Variants in EDIL3 observed in about 807,000 individuals in gnomAD.
EDIL3 encodes EGF like and discoidin domains 3.
In EDIL3, 37 loss-of-function variants were observed where a neutral mutation model predicts 67.4. The ratio of observed to expected loss-of-function variants is 0.55; its 90% CI spans 0.42 to 0.72. The LOEUF (loss-of-function observed/expected upper bound fraction) is 0.72. EDIL3 is among the 30% of genes least tolerant of loss of function. The pLI is 0.00. For missense variants in EDIL3, 527 were observed against 586.3 expected, an observed-to-expected ratio of 0.90 and a Z score of 1.04; for synonymous variants, 195 against 196.3, an observed-to-expected ratio of 0.99 and a Z score of 0.05.
At chr5:84,301,394 T>C (rs1746160190) in intron 1 of EDIL3, among the ~76,000 whole-genome samples, 1 of 152,186 alleles carries the variant, frequency 6.6e-6, no homozygotes, top group South Asian at 2.1e-4. Context: ...TAAAAGATAG[T>C]TATTATGACA....
chr5:83,946,399 C>T (rs1253134396), intron 10 of EDIL3, among the ~76,000 whole-genome samples: 1 of 151,848 alleles, frequency 6.6e-6, no homozygotes, highest in African/African-American at 2.4e-5. Flanking sequence ...AAAAAACACT[C>T]AAGGTACTTT....
At chr5:83,978,859 C>T (rs1387253380) in intron 9 of EDIL3, among the ~76,000 whole-genome samples, 1 of 152,036 alleles carries the variant, frequency 6.6e-6, no homozygotes, top group Admixed American at 6.6e-5. Context: ...AAAAGTGAAA[C>T]TTCAAGTATT....
chr5:84,041,141 A>T (rs1207074812), intron 9 of EDIL3, among the ~76,000 whole-genome samples: 1 of 152,036 alleles, frequency 6.6e-6, no homozygotes, highest in Non-Finnish European at 1.5e-5. Context: ...AAAATAAAAA[A>T]AAAAAACACA....
intron 9 of EDIL3, among the ~76,000 whole-genome samples, chr5:84,023,536 A>G (rs1168690630): frequency 6.6e-6 from 1 of 152,088 alleles, no homozygotes; most frequent in Non-Finnish European, 1.5e-5. Flanking sequence ...ATATTTTAGC[A>G]TATATGTTTC....
At chr5:84,227,073 G>A (rs1744465928) in intron 3 of EDIL3, among the ~76,000 whole-genome samples, 1 of 151,940 alleles carries the variant, frequency 6.6e-6, no homozygotes, top group Non-Finnish European at 1.5e-5. Context: ...GTAAGGTGTG[G>A]GCAGCAGACA....
At chr5:84,329,471 A>G (rs962256505) in intron 1 of EDIL3, among the ~76,000 whole-genome samples, 2 of 152,096 alleles carry the variant, frequency 1.3e-5, no homozygotes, top group Non-Finnish European at 2.9e-5. Flanking sequence ...CTTGTTATGA[A>G]AGACTCTCAC....
intron 9 of EDIL3, among the ~76,000 whole-genome samples, chr5:83,966,060 CT>C (rs1395028082): frequency 1.3e-5 from 2 of 152,046 alleles, no homozygotes; most frequent in Non-Finnish European, 2.9e-5. Context: ...TCCTTAGGAC[CT>C]AATTCTTGAC....
chr5:84,211,996 T>C (rs1056353600), intron 3 of EDIL3, among the ~76,000 whole-genome samples: 1 of 152,214 alleles, frequency 6.6e-6, no homozygotes, highest in African/African-American at 2.4e-5. Context: ...TAATTGAAAC[T>C]GCTGTGCTGT....
chr5:84,173,047 G>A lies in EDIL3; in HGVS notation c.355+7346C>T, dbSNP rs142271921. Among the ~76,000 whole-genome samples the A allele has an allele frequency of 6.6e-3, 1,000 of 152,256 alleles. 8 individuals carry two copies. Among genetic ancestry groups the A allele is most frequent in the African/African-American group, 0.023 (957 of 41,542 alleles). On this transcript the variant is annotated intron_variant, in intron 4 of 10. Coordinates refer to ENST00000296591, the MANE Select transcript of EDIL3 (RefSeq NM_005711.5). ...GGTCCAGCATGACAACAGGAGGTCA[G>A]AGAAAACTCCATGAGTGCCCAGAAG...
At chr5:84,131,401 T>C (rs776106221) in intron 5 of EDIL3, among the ~76,000 whole-genome samples, 10 of 152,200 alleles carry the variant, frequency 6.6e-5, no homozygotes, top group Admixed American at 1.3e-4. Context: ...CTTATGCTGT[T>C]GTCACTTGCC....
chr5:84,125,688 C>T (rs1747857447), intron 5 of EDIL3, among the ~76,000 whole-genome samples: 2 of 151,964 alleles, frequency 1.3e-5, no homozygotes, highest in Non-Finnish European at 1.5e-5. Context: ...ACGGAGTGAT[C>T]CCCATTACTT....
intron 2 of EDIL3, among the ~76,000 whole-genome samples, chr5:84,250,155 C>T (rs1157519872): frequency 6.6e-6 from 1 of 152,140 alleles, no homozygotes; most frequent in African/African-American, 2.4e-5. Flanking sequence ...CTGGGTAATG[C>T]CTTCGAATTC....
intron 3 of EDIL3, among the ~76,000 whole-genome samples, chr5:84,197,486 C>G (rs140356206): frequency 2.0e-5 from 3 of 151,810 alleles, no homozygotes; most frequent in Non-Finnish European, 4.4e-5. Flanking sequence ...ATAGTGAAAC[C>G]CCGTCTCTAC....
rs564348789 is a variant in EDIL3 at position 84,338,967 on chromosome 5, T to C, written c.67+45341A>G. On this transcript the variant is annotated intron_variant, in intron 1 of 10. Transcript: ENST00000296591. The stretch of plus-strand genomic sequence containing the variant: ...TTTGGGCTGAGTCCTGCAAATAATG[T>C]AAATAGATCTGTCACTATTCATCCC... 3.3e-5 allele frequency among the ~76,000 whole-genome samples: 5 copies of C among 151,968 alleles called. No homozygotes were observed. In the South Asian group the frequency reaches 8.3e-4, roughly 25 times the overall value.
At chr5:84,290,081 A>C (rs543728115) in intron 1 of EDIL3, among the ~76,000 whole-genome samples, 1 of 152,224 alleles carries the variant, frequency 6.6e-6, no homozygotes, top group South Asian at 2.1e-4. Flanking sequence ...CCCCAGCCAC[A>C]AGTGTTGGAT....
chr5:84,147,277 T>C (rs1748305153), intron 4 of EDIL3, among the ~76,000 whole-genome samples: 1 of 152,126 alleles, frequency 6.6e-6, no homozygotes, highest in South Asian at 2.1e-4. Flanking sequence ...CTAGAGTATT[T>C]TACCATAAAA....
rs1744246053 is a variant in EDIL3, at chr5:83,942,706, T to C, written c.*713A>G. 1 of 152,062 alleles carries C rather than the reference T, an allele frequency of 6.6e-6. No individual in the cohort carries two copies. Among genetic ancestry groups the C allele is most frequent in the African/African-American group, 2.4e-5 (1 of 41,448 alleles). 9.4% of individuals were successfully genotyped at this position (152,062 alleles called of 1,614,324 possible). A position where few individuals can be genotyped will look rare whatever the true frequency, so the allele number is the denominator to read the frequency against. The stretch of plus-strand genomic sequence containing the variant: ...AATCTACTGATAGGCAGTCATGTTC[T>C]ACATATATGAGTAAACATGACACTT... On this transcript the variant is annotated 3_prime_UTR_variant, in exon 11 of 11. Coordinates refer to ENST00000296591, the MANE Select transcript of EDIL3 (RefSeq NM_005711.5).
rs1411463119 is a variant in EDIL3 at position 84,274,012 on chromosome 5, C to T, written c.68-19800G>A. Among the ~76,000 whole-genome samples, 3 of 148,042 alleles carry T rather than the reference C, an allele frequency of 2.0e-5. No homozygotes were observed. In the South Asian group the frequency reaches 6.5e-4, roughly 32 times the overall value. On this transcript the variant is annotated intron_variant, in intron 1 of 10. Coordinates refer to ENST00000296591, the MANE Select transcript of EDIL3 (RefSeq NM_005711.5). ...GTGGGGATGATCTAACCTATTTTTCCCCTATCTTTGTCCATCTGCTTTTAC... is the reference window on the plus strand; with the variant it reads ...GTGGGGATGATCTAACCTATTTTTCTCCTATCTTTGTCCATCTGCTTTTAC...
intron 1 of EDIL3, among the ~76,000 whole-genome samples, chr5:84,331,612 G>A (rs567021634): frequency 3.9e-5 from 6 of 152,244 alleles, no homozygotes; most frequent in Admixed American, 2.0e-4. Flanking sequence ...GTGGAACTGC[G>A]AGTCAATTAA....
Sources: allele counts gnomAD v4.1 joint callset (sites outside exome capture counted in the v4.1 genomes callset), GRCh38; gene constraint gnomAD v4.1.1; transcripts MANE v1.5; gene names NCBI Gene and HGNC (gene_info 2026-07-23, HGNC 2026-07-21).